ASIC2: variants seen among roughly 807,000 people sequenced by gnomAD.
ASIC2 encodes acid-sensing ion channel 2.
Under a neutral mutation model 57.3 loss-of-function variants are expected in ASIC2, and 25 were observed. The ratio of observed to expected loss-of-function variants is 0.44; its 90% confidence interval spans 0.32 to 0.61. The LOEUF (loss-of-function observed/expected upper bound fraction) is 0.61. Ranked by LOEUF, ASIC2 falls within the 20% of genes least tolerant of loss-of-function variation. The probability of loss-of-function intolerance (pLI) is 0.06; values close to 1 mark genes in which losing one functional copy is unlikely to be tolerated. For synonymous variants in ASIC2, 319 were observed against 307.5 expected, an observed-to-expected ratio of 1.04 and a Z score of -0.39; for missense variants, 641 against 738.1, an observed-to-expected ratio of 0.87 and a Z score of 1.52.
At chr17:33,406,760 A>G (rs765845847) in intron 1 of ASIC2, among the ~76,000 whole-genome samples, 1 of 152,258 alleles carries the variant, frequency 6.6e-6, no homozygotes, top group Non-Finnish European at 1.5e-5. Context: ...CATGGAATCC[A>G]TAAAGATGTG....
intron 1 of ASIC2, among the ~76,000 whole-genome samples, chr17:33,159,881 C>T (rs1905113105): frequency 6.6e-6 from 1 of 152,144 alleles, no homozygotes. Flanking sequence ...TAAGACAGTT[C>T]ACATAGCATG....
At chr17:33,409,682 G>T (rs899620626) in intron 1 of ASIC2, among the ~76,000 whole-genome samples, 41 of 152,322 alleles carry the variant, frequency 2.7e-4, no homozygotes, top group African/African-American at 9.9e-4. Context: ...TGGTAAAGGA[G>T]AGTCTTGCGG....
chr17:33,930,682 A>C (rs1484887652), intron 1 of ASIC2, among the ~76,000 whole-genome samples: 1 of 152,220 alleles, frequency 6.6e-6, no homozygotes, highest in African/African-American at 2.4e-5. Context: ...TGAGGGATGA[A>C]GCTCCTGCAC....
chr17:33,683,498 A>G (rs56166151), intron 1 of ASIC2, among the ~76,000 whole-genome samples: 24,434 of 152,142 alleles, frequency 0.16, 2,540 homozygotes, highest in African/African-American at 0.29. Context: ...CAGCCTCCCA[A>G]GTAGGTGGGT....
At chr17:33,284,920 T>C (rs1475323549) in intron 1 of ASIC2, among the ~76,000 whole-genome samples, 3 of 152,214 alleles carry the variant, frequency 2.0e-5, no homozygotes, top group Non-Finnish European at 4.4e-5. Flanking sequence ...ATGAGGCACA[T>C]TGACTGTTGC....
At chr17:33,703,642 C>T (rs1023919762) in intron 1 of ASIC2, among the ~76,000 whole-genome samples, 3 of 152,134 alleles carry the variant, frequency 2.0e-5, no homozygotes, top group South Asian at 2.1e-4. Context: ...TGTCAGCCAC[C>T]GTGCCCAGCA....
intron 1 of ASIC2, among the ~76,000 whole-genome samples, chr17:33,773,875 A>C (rs4268808): frequency 0.079 from 12,032 of 151,396 alleles, 554 homozygotes; most frequent in East Asian, 0.22. Flanking sequence ...CTATGTTGCC[A>C]AGGCTGGTTT....
chr17:33,046,659 C>G (rs2091956370), intron 3 of ASIC2, among the ~76,000 whole-genome samples: 1 of 152,178 alleles, frequency 6.6e-6, no homozygotes, highest in African/African-American at 2.4e-5. Context: ...TTGTTTTCAG[C>G]TGACCCAGCA....
At chr17:33,770,460 G>T (rs535826471) in intron 1 of ASIC2, among the ~76,000 whole-genome samples, 2 of 152,276 alleles carry the variant, frequency 1.3e-5, no homozygotes, top group Non-Finnish European at 1.5e-5. Context: ...TGTTCTTGTT[G>T]TTGTTTTTGC....
chr17:33,579,199 T>G lies in ASIC2; in HGVS notation c.556-467132A>C, dbSNP rs1261360128. Among the ~76,000 whole-genome samples the G allele has an allele frequency of 2.0e-5, 3 of 149,822 alleles. No homozygotes were observed. The Admixed American group carries it at 2.0e-4, about 10-fold the overall frequency. On this transcript the variant is annotated intron_variant, in intron 1 of 9. Transcript: ENST00000359872. Reference sequence around the variant, plus strand: ...TACTTGAGAGGCTGAGGCAGGAGAATCGCTTGAACCCGGGAGGCAGAGGTT... The same window carrying G: ...TACTTGAGAGGCTGAGGCAGGAGAAGCGCTTGAACCCGGGAGGCAGAGGTT...
intron 1 of ASIC2, chr17:34,039,093 C>A: frequency 6.2e-7 from 1 of 1,614,068 alleles, no homozygotes; most frequent in East Asian, 2.2e-5. Context: ...TTAATCGTTC[C>A]TTGTATTTCT....
At chr17:33,223,772 G>A (rs191964924) in intron 1 of ASIC2, among the ~76,000 whole-genome samples, 127 of 152,310 alleles carry the variant, frequency 8.3e-4, no homozygotes, top group African/African-American at 2.6e-3. Context: ...CAGAGAAGAC[G>A]GACAGTGCGA....
At chr17:33,589,048 A>G (rs1415461160) in intron 1 of ASIC2, among the ~76,000 whole-genome samples, 1 of 152,264 alleles carries the variant, frequency 6.6e-6, no homozygotes, top group African/African-American at 2.4e-5. Flanking sequence ...ACTTAAATAA[A>G]CATATACTAT....
intron 2 of ASIC2, among the ~76,000 whole-genome samples, chr17:33,106,802 G>T (rs2092236541): frequency 6.6e-6 from 1 of 151,974 alleles, no homozygotes; most frequent in African/African-American, 2.4e-5. Flanking sequence ...ACAGTCTTTT[G>T]CTGGGGGCAG....
intron 1 of ASIC2, among the ~76,000 whole-genome samples, chr17:34,100,587 A>G (rs1267537054): frequency 1.3e-5 from 2 of 151,652 alleles, no homozygotes; most frequent in Non-Finnish European, 2.9e-5. Context: ...CTTTGAAGAG[A>G]CACCTCAATG....
rs142066302 is a variant in ASIC2, at chr17:33,569,969, C to T, written c.556-457902G>A. Among the ~76,000 whole-genome samples the T allele has an allele frequency of 2.8e-3, 430 of 152,222 alleles. 4 individuals are homozygous for T. Among genetic ancestry groups the T allele is most frequent in the African/African-American group, 9.9e-3 (411 of 41,530 alleles). ...GGCAAGCTGGATTTTTTTCTCCTCT[C>T]CTTTTCTCCCGCCCTCTTTCTCCTT... On this transcript the variant is annotated intron_variant, in intron 1 of 9. Transcript: ENST00000359872.
At chr17:33,335,624 G>C (rs1029002800) in intron 1 of ASIC2, among the ~76,000 whole-genome samples, 1 of 152,144 alleles carries the variant, frequency 6.6e-6, no homozygotes, top group Admixed American at 6.5e-5. Flanking sequence ...ACCTACACTT[G>C]TGAGGGCCTG....
At chr17:34,143,921 C>T (rs1393308112) in intron 1 of ASIC2, among the ~76,000 whole-genome samples, 1 of 152,046 alleles carries the variant, frequency 6.6e-6, no homozygotes, top group Non-Finnish European at 1.5e-5. Flanking sequence ...TTATAAATTA[C>T]CCAGTCTCGG....
chr17:33,151,437 C>T (rs761898139), intron 1 of ASIC2, among the ~76,000 whole-genome samples: 8 of 133,878 alleles, frequency 6.0e-5, no homozygotes, highest in Non-Finnish European at 7.9e-5. Flanking sequence ...GCCACTGACT[C>T]CTACGTGACC....
Sources: gnomAD v4.1 joint callset for allele counts (sites outside exome capture counted in the v4.1 genomes callset) on GRCh38, gnomAD v4.1.1 for gene constraint, MANE v1.5 for transcripts, NCBI Gene and HGNC (gene_info 2026-07-23, HGNC 2026-07-21) for gene names.